The following EIF2B1 variants were observed in gnomAD, a reference collection of about 807,000 sequenced individuals.
EIF2B1 encodes eukaryotic translation initiation factor 2B subunit alpha, also known as translation initiation factor eIF2B subunit alpha.
Under a neutral mutation model 36.8 loss-of-function variants are expected in EIF2B1, and 30 were observed. The observed-to-expected ratio is 0.81, with a 90% confidence interval of 0.61 to 1.10. The LOEUF (loss-of-function observed/expected upper bound fraction) is 1.10, where lower values mean the gene tolerates loss of function less well. Among genes scored for constraint, EIF2B1 ranks in the 50% least tolerant of loss-of-function variants. The probability of loss-of-function intolerance (pLI) is 0.00; values close to 1 mark genes in which losing one functional copy is unlikely to be tolerated. For missense variants in EIF2B1, 271 were observed against 374.8 expected, an observed-to-expected ratio of 0.72 and a Z score of 2.29; for synonymous variants, 139 against 142.2, an observed-to-expected ratio of 0.98 and a Z score of 0.16.
Position 123,633,627 on chromosome 12 carries a change from G to C in EIF2B1, c.-70C>G. 1 of 1,594,578 alleles carries C rather than the reference G, an allele frequency of 6.3e-7. No homozygotes were observed. Among genetic ancestry groups the C allele is most frequent in the Non-Finnish European group, 8.5e-7 (1 of 1,176,744 alleles). ...GCTGTCTCGAACGGGTCCGCCGGCC[G>C]CGCCGCCTGCGAGCCAGTCTGACAG... On this transcript the variant is annotated 5_prime_UTR_variant, in exon 1 of 9. Coordinates refer to ENST00000424014, the MANE Select transcript of EIF2B1 (RefSeq NM_001414.4).
In EIF2B1 at chr12:123,630,536, G is replaced by A; in HGVS notation, c.116-3C>T. ...CCTCAGACCCTGGATTGTCTCCCCT[G>A]GAATGATCCAACAAGGAATGTGATG... On this transcript the variant is annotated splice_polypyrimidine_tract_variant and splice_region_variant and intron_variant, in intron 2 of 8. Transcript: ENST00000424014. This position sits in a 1 kb window ranked among gnomAD's most constrained non-coding sequence, Gnocchi z 4.6. 3 of 1,611,792 alleles carry A rather than the reference G, an allele frequency of 1.9e-6. No individual in the cohort carries two copies. The highest frequency in any genetic ancestry group is 2.5e-6 in the Non-Finnish European group (3 of 1,179,872).
intron 6 of EIF2B1, among the ~76,000 whole-genome samples, chr12:123,625,335 T>C (rs575545789): frequency 6.6e-6 from 1 of 152,110 alleles, no homozygotes; most frequent in East Asian, 1.9e-4. Context: ...AGCCCAAACC[T>C]CTACCTCTTA....
At chr12:123,626,158 AAAC>A (rs1053795847) in intron 6 of EIF2B1, 76 of 485,428 alleles carry the variant, frequency 1.6e-4, no homozygotes, top group Middle Eastern at 5.9e-4. Context: ...AAACAAACAA[AAAC>A]AACAACAACA....
Position 123,633,666 on chromosome 12 carries a change from T to A in EIF2B1, c.-109A>T, listed in dbSNP as rs1955223927. 6.5e-7 allele frequency: 1 copy of A among 1,539,120 alleles called. No individual in the cohort carries two copies. The highest frequency in any genetic ancestry group is 1.1e-5 in the South Asian group (1 of 89,646). ...CCAGTCTGACAGCGCGCTGCACACC[T>A]CCGCACCCCACTTCCGGCGCACTTC... On this transcript the variant is annotated 5_prime_UTR_variant, in exon 1 of 9. Coordinates refer to ENST00000424014, the MANE Select transcript of EIF2B1 (RefSeq NM_001414.4).
chr12:123,628,807 C>T (rs954591984), intron 4 of EIF2B1, among the ~76,000 whole-genome samples: 1 of 152,158 alleles, frequency 6.6e-6, no homozygotes, highest in African/African-American at 2.4e-5. Context: ...CCACTGAATC[C>T]CGATCTGCAT....
In EIF2B1 at chr12:123,621,831, G is replaced by A; in HGVS notation, c.843C>T (p.Ile281=). 1 of 1,614,060 alleles carries A rather than the reference G, an allele frequency of 6.2e-7. No individual in the cohort carries two copies. Among genetic ancestry groups the A allele is most frequent in the Non-Finnish European group, 8.5e-7 (1 of 1,180,024 alleles). ...PWVDYTAPSL[I]TLLFTDLGVL... ...CGCCCAGGTCTGTAAACAGCAGAGT[G>A]ATTAAGGAAGGGGCAGTGTAGTCGA... The change falls in exon 9 of 9, where the codon ATC becomes ATT. Residue 281 remains isoleucine, a synonymous_variant. Coordinates refer to ENST00000424014, the MANE Select transcript of EIF2B1 (RefSeq NM_001414.4).
intron 4 of EIF2B1, among the ~76,000 whole-genome samples, chr12:123,628,097 C>G (rs543956359): frequency 1.3e-5 from 2 of 152,260 alleles, no homozygotes; most frequent in East Asian, 3.9e-4. Flanking sequence ...GCTCTGATGC[C>G]TAGGCTGGAG....
chr12:123,630,223 T>A lies in EIF2B1; in HGVS notation c.315A>T (p.Ser105=). Residue 105 remains serine (S), a synonymous_variant, in exon 4 of 9, where the codon TCA becomes TCT. Transcript: ENST00000424014. This position sits in a 1 kb window ranked among gnomAD's most constrained non-coding sequence, Gnocchi z 4.6. The part of the protein sequence containing the change: ...ERGELFLRRI[S]LSRNKIADLC... ...GATCTGCAATTTTGTTTCTTGACAG[T>A]GATATTCTCCTGAGAAAAAGTTCTC... 1.2e-6 allele frequency: 2 copies of A among 1,614,128 alleles called. No individual in the cohort carries two copies. The highest frequency in any genetic ancestry group is 1.7e-6 in the Non-Finnish European group (2 of 1,180,046).
chr12:123,622,517 C>G, intron 8 of EIF2B1, 119 bp downstream of exon 8: 1 of 1,387,056 alleles, frequency 7.2e-7, no homozygotes, highest in Non-Finnish European at 1.0e-6. Context: ...CTTTGTATTC[C>G]AAGTGTTGGG....
intron 2 of EIF2B1, among the ~76,000 whole-genome samples, 153 bp downstream of exon 2, chr12:123,632,192 C>T: frequency 6.8e-6 from 1 of 147,370 alleles, no homozygotes; most frequent in African/African-American, 2.5e-5. Context: ...TGCTTGAACC[C>T]AGGAGGCGGA....
rs1955145777 is a variant in EIF2B1, at chr12:123,626,028, G to T, written c.551+397C>A. The T allele has an allele frequency of 1.3e-5, 3 of 225,812 alleles. No homozygotes were observed. In the South Asian group the frequency reaches 2.0e-4, roughly 15 times the overall value. 14.0% of individuals were successfully genotyped at this position (225,812 alleles called of 1,614,324 possible). A position where few individuals can be genotyped will look rare whatever the true frequency, so the allele number is the denominator to read the frequency against. ...TGCGCCGGTAATCCCAGCTACTTAGGAGGCTGAGGCAGGAGAATCGCTTGA... is the reference window on the plus strand; with the variant it reads ...TGCGCCGGTAATCCCAGCTACTTAGTAGGCTGAGGCAGGAGAATCGCTTGA... On this transcript the variant is annotated intron_variant, in intron 6 of 8. Coordinates refer to ENST00000424014, the MANE Select transcript of EIF2B1 (RefSeq NM_001414.4).
chr12:123,633,626 C>G lies in EIF2B1; in HGVS notation c.-69G>C. On this transcript the variant is annotated 5_prime_UTR_variant, in exon 1 of 9. Transcript: ENST00000424014. ...CGCTGTCTCGAACGGGTCCGCCGGC[C>G]GCGCCGCCTGCGAGCCAGTCTGACA... The G allele has an allele frequency of 6.3e-7, 1 of 1,596,472 alleles. No homozygotes were observed. The highest frequency in any genetic ancestry group is 8.5e-7 in the Non-Finnish European group (1 of 1,177,644).
In EIF2B1 at chr12:123,627,093, T is replaced by A; in HGVS notation, c.433A>T (p.Lys145Ter). 6.2e-7 allele frequency: 1 copy of A among 1,614,196 alleles called. No individual in the cohort carries two copies. The highest frequency in any genetic ancestry group is 1.3e-5 in the African/African-American group (1 of 75,058). Residue 145 changes from lysine to a stop codon, truncating the protein, a stop_gained, in exon 5 of 9, where the codon AAG becomes TAG. Transcript: ENST00000424014. LOFTEE classifies it high-confidence loss of function. ...LRVLEAAVAA[K>*]KRFSVYVTES... ...GTGACGTATACACTAAATCGCTTCT[T>A]GGCCGCCACGGCTGCTTCCAGGACT...
rs749376947 is a variant in EIF2B1, at chr12:123,630,513, T to G, written c.136A>C (p.Arg46=). 3.7e-6 allele frequency: 6 copies of G among 1,613,194 alleles called. No individual in the cohort carries two copies. Among genetic ancestry groups the G allele is most frequent in the Non-Finnish European group, 5.1e-6 (6 of 1,179,912 alleles). Residue 46 remains arginine, a synonymous_variant, in exon 3 of 9, where the codon AGG becomes CGG. Coordinates refer to ENST00000424014, the MANE Select transcript of EIF2B1 (RefSeq NM_001414.4). The surrounding 1 kb of genome is among the most constrained non-coding windows in gnomAD (Gnocchi z 4.6). ...TCTATGGCACTGGTGAGATTCGCCC[T>G]CAGACCCTGGATTGTCTCCCCTGGA... The part of the protein sequence containing the change: ...RDKGETIQGL[R]ANLTSAIETL...
chr12:123,626,658 CT>C, intron 5 of EIF2B1, 165 bp from the exon 6 acceptor site: 2 of 803,276 alleles, frequency 2.5e-6, no homozygotes, highest in Non-Finnish European at 4.2e-6. Context: ...AATTTGAGTT[CT>C]TTAGAAAGAA....
At position 123,620,598 on chromosome 12, in the gene EIF2B1, ATATATATATATATATATATATATATATAT is replaced by A. The variant is rs1955061819; in HGVS notation, c.*1129_*1157del. The A allele has an allele frequency of 2.8e-5, 2 of 70,500 alleles. No homozygotes were observed. The highest frequency in any genetic ancestry group is 1.3e-4 in the Admixed American group (1 of 7,942). 4.4% of individuals were successfully genotyped at this position (70,500 alleles called of 1,614,324 possible). A position where few individuals can be genotyped will look rare whatever the true frequency, so the allele number is the denominator to read the frequency against. On this transcript the variant is annotated 3_prime_UTR_variant, in exon 9 of 9. Transcript: ENST00000424014. The stretch of plus-strand genomic sequence containing the variant: ...GTACATATTATATATATATATATAT[ATATATATATATATATATATATATATATAT>A]AAGCTCTTTTTTCTGAGGCTATTTT...
At chr12:123,624,980 T>G in intron 6 of EIF2B1, 118 bp from the exon 7 acceptor site, 1 of 951,592 alleles carries the variant, frequency 1.1e-6, no homozygotes, top group Admixed American at 1.9e-5. Context: ...AACTACCTGT[T>G]TTTTTTAAAG....
rs1233522495 is a variant in EIF2B1 at position 123,630,633 on chromosome 12, CATACTAT to C, written c.116-107_116-101del. The C allele has an allele frequency of 6.7e-7, 1 of 1,481,500 alleles. No homozygotes were observed. Among genetic ancestry groups the C allele is most frequent in the East Asian group, 2.3e-5 (1 of 44,206 alleles). The allele number at this position is 1,481,500 out of a possible 1,614,324, so 91.8% of individuals were successfully genotyped here. ...TCATTCAGTGAATATTTACTAGGTA[CATACTAT>C]ATACCAGGCACTATTCTAGATGCTA... On this transcript the variant is annotated intron_variant, in intron 2 of 8. Transcript: ENST00000424014. The surrounding 1 kb of genome is among the most constrained non-coding windows in gnomAD (Gnocchi z 4.6).
At chr12:123,627,704 A>T (rs1434810654) in intron 4 of EIF2B1, among the ~76,000 whole-genome samples, 1 of 152,182 alleles carries the variant, frequency 6.6e-6, no homozygotes, top group East Asian at 1.9e-4. Flanking sequence ...AACAAAAAAA[A>T]TTAGCTGGAT....
Sources: gnomAD v4.1 joint callset for allele counts (sites outside exome capture counted in the v4.1 genomes callset) on GRCh38, gnomAD v4.1.1 for gene constraint, Gnocchi (gnomAD v3.1) non-coding constraint, MANE v1.5 for transcripts, NCBI Gene and HGNC (gene_info 2026-07-23, HGNC 2026-07-21) for gene names.